CERS3: variants seen among roughly 807,000 people sequenced by gnomAD.
CERS3 encodes LAG1 homolog, ceramide synthase 3.
Under a neutral mutation model 50.3 loss-of-function variants are expected in CERS3, and 33 were observed. The ratio of observed to expected loss-of-function variants is 0.66; its 90% confidence interval spans 0.50 to 0.88. The LOEUF is 0.88. Ranked by LOEUF, CERS3 falls within the 40% of genes least tolerant of loss-of-function variation. The pLI is 0.00. For missense variants in CERS3, 470 were observed against 460.3 expected (o/e 1.02, Z -0.19); for synonymous variants, 176 against 155.2 (o/e 1.13, Z -0.99).
At chr15:100,533,677 C>T (rs867393439), upstream of CERS3, among the ~76,000 whole-genome samples, 2 of 151,890 alleles carry the variant, frequency 1.3e-5, no homozygotes, top group South Asian at 4.2e-4. Context: ...CCTGCCTCAG[C>T]CCCCCAAGTA....
chr15:100,469,717 T>C (rs1302955586), intron 9 of CERS3, among the ~76,000 whole-genome samples: 1 of 152,224 alleles, frequency 6.6e-6, no homozygotes, highest in Non-Finnish European at 1.5e-5. Flanking sequence ...ACATTTTGCA[T>C]AATATAATGT....
rs1167754975 is a variant in CERS3, at chr15:100,401,928, G to A, written c.*785C>T. 1 of 152,276 alleles carries A rather than the reference G, an allele frequency of 6.6e-6. No individual in the cohort carries two copies. Among genetic ancestry groups the A allele is most frequent in the Non-Finnish European group, 1.5e-5 (1 of 68,070 alleles). 9.4% of individuals were successfully genotyped at this position (152,276 alleles called of 1,614,324 possible). ...AGAATCTGAGAATGACCCTTGGGGAGCTAATGCATAAATAGTTAGCAAATA... is the reference window on the plus strand; with the variant it reads ...AGAATCTGAGAATGACCCTTGGGGAACTAATGCATAAATAGTTAGCAAATA... On this transcript the variant is annotated 3_prime_UTR_variant, in exon 12 of 12. Transcript: ENST00000679737.
chr15:100,434,456 T>A (rs1444272317), intron 11 of CERS3, among the ~76,000 whole-genome samples: 3 of 152,206 alleles, frequency 2.0e-5, no homozygotes, highest in Non-Finnish European at 4.4e-5. Flanking sequence ...AAAGCCCACA[T>A]GATAAATCAA....
intron 11 of CERS3, among the ~76,000 whole-genome samples, chr15:100,429,077 G>A (rs928183546): frequency 6.6e-6 from 1 of 152,350 alleles, no homozygotes; most frequent in East Asian, 1.9e-4. Flanking sequence ...GCACAGATCA[G>A]ATAATGAATT....
chr15:100,463,599 A>G (rs1379004241), intron 10 of CERS3, among the ~76,000 whole-genome samples: 1 of 152,158 alleles, frequency 6.6e-6, no homozygotes, highest in African/African-American at 2.4e-5. Context: ...GAAGGTACCA[A>G]GCACATGGGC....
intron 11 of CERS3, among the ~76,000 whole-genome samples, chr15:100,441,977 C>A (rs2033702099): frequency 6.6e-6 from 1 of 152,106 alleles, no homozygotes; most frequent in Admixed American, 6.5e-5. Context: ...TCTTCCTCAG[C>A]CTCCGCTCCT....
In CERS3 at chr15:100,411,902, ATCT is replaced by A. The variant is rs765976995; in HGVS notation, c.1000-9040_1000-9038del. 5.3e-5 allele frequency among the ~76,000 whole-genome samples: 8 copies of A among 152,286 alleles called. No individual in the cohort carries two copies. The East Asian group carries it at 1.5e-3, about 29-fold the overall frequency. On this transcript the variant is annotated intron_variant, in intron 11 of 11. Transcript: ENST00000679737. ...TCATGTGCTTATTGGCCATTCATGT[ATCT>A]TCTTCAGAGAAAGGTCTATTCAAGT...
chr15:100,493,270 T>C (rs1164733676), intron 3 of CERS3, among the ~76,000 whole-genome samples: 1 of 152,308 alleles, frequency 6.6e-6, no homozygotes, highest in African/African-American at 2.4e-5. Context: ...CTCTTGGTTT[T>C]TGTTTATTTG....
rs796937268 is a variant in CERS3, at chr15:100,497,353, T to TAG, written c.173+4322_173+4323dup. 2.6e-3 allele frequency among the ~76,000 whole-genome samples: 387 copies of TAG among 151,446 alleles called. 4 individuals carry two copies. The highest frequency in any genetic ancestry group is 7.9e-3 in the African/African-American group (324 of 41,216). ...GTGTGTGTGTATGTATATATATATATAGAGAGAAAAATACATATATATATG... is the reference window on the plus strand; with the variant it reads ...GTGTGTGTGTATGTATATATATATATAGAGAGAGAAAAATACATATATATATG... On this transcript the variant is annotated intron_variant, in intron 3 of 11. Transcript: ENST00000679737.
rs1165689427 is a variant in CERS3, at chr15:100,466,857, T to TTCTC, written c.845+2520_845+2521insGAGA. Among the ~76,000 whole-genome samples, 37 of 68,338 alleles carry TTCTC rather than the reference T, an allele frequency of 5.4e-4. 5 individuals are homozygous for TTCTC. The highest frequency in any genetic ancestry group is 1.1e-3 in the Admixed American group (7 of 6,518). The allele number at this position is 68,338 out of a possible 152,430, so 44.8% of individuals were successfully genotyped here. ...CCTCTCTCCCTCTCTCTTTCTCTCT[T>TTCTC]TCTTTCTTTCTTTCTTGATGGAGTC... On this transcript the variant is annotated intron_variant, in intron 10 of 11. Coordinates refer to ENST00000679737, the MANE Select transcript of CERS3 (RefSeq NM_001378789.1).
chr15:100,488,117 A>G (rs574261646), intron 4 of CERS3, among the ~76,000 whole-genome samples: 1 of 152,326 alleles, frequency 6.6e-6, no homozygotes, highest in South Asian at 2.1e-4. Context: ...AGATACAATC[A>G]TAAGAGAACT....
chr15:100,466,998 C>T (rs535979368), intron 10 of CERS3, among the ~76,000 whole-genome samples: 38 of 151,796 alleles, frequency 2.5e-4, no homozygotes, highest in African/African-American at 8.9e-4. Context: ...GGATTATAGG[C>T]ATGTGCCACC....
At chr15:100,540,006 AAT>A (rs771425614) in intron 1 of CERS3, among the ~76,000 whole-genome samples, 3 of 152,200 alleles carry the variant, frequency 2.0e-5, no homozygotes, top group Non-Finnish European at 4.4e-5. Context: ...TTGCTCCAGA[AAT>A]ATGACTTCTT....
intron 8 of CERS3, among the ~76,000 whole-genome samples, chr15:100,475,050 C>T (rs2587757): frequency 0.88 from 133,767 of 152,248 alleles, 59,344 homozygotes; most frequent in South Asian, 0.96. Flanking sequence ...AATACATGAT[C>T]GACCTACCTG....
chr15:100,425,525 G>C (rs2032757576), intron 11 of CERS3, among the ~76,000 whole-genome samples: 2 of 152,130 alleles, frequency 1.3e-5, no homozygotes, highest in Admixed American at 1.3e-4. Context: ...AGCCCACTTT[G>C]TTTTGGCTGA....
Position 100,405,840 on chromosome 15 carries a change from A to T in CERS3, c.1000-2975T>A, listed in dbSNP as rs767233240. Among the ~76,000 whole-genome samples, 135 of 152,348 alleles carry T rather than the reference A, an allele frequency of 8.9e-4. No individual in the cohort carries two copies. In the Middle Eastern group the frequency reaches 0.014, roughly 15 times the overall value. ...TTCCTGATAATAATTTTAAAAATAA[A>T]ACTTATAAGGATTTCTTTTTAAAAA... is the stretch of plus-strand genomic sequence containing the variant. On this transcript the variant is annotated intron_variant, in intron 11 of 11. Transcript: ENST00000679737.
chr15:100,436,755 A>C (rs374297508), intron 11 of CERS3, among the ~76,000 whole-genome samples: 81 of 152,212 alleles, frequency 5.3e-4, no homozygotes, highest in African/African-American at 1.9e-3. Context: ...TTCTAAAAGT[A>C]CAAAAAAAAG....
intron 2 of CERS3, among the ~76,000 whole-genome samples, chr15:100,506,529 C>T (rs999594151): frequency 6.7e-6 from 1 of 148,598 alleles, no homozygotes; most frequent in Non-Finnish European, 1.5e-5. Context: ...GTGCCACTGC[C>T]ATGGAAAACA....
intron 10 of CERS3, among the ~76,000 whole-genome samples, chr15:100,467,633 A>G (rs1031861349): frequency 1.3e-5 from 2 of 151,738 alleles, no homozygotes; most frequent in Admixed American, 1.3e-4. Flanking sequence ...CCTTTGGGAC[A>G]TGGCGAACTG....
Sources: gnomAD v4.1 joint callset for allele counts (sites outside exome capture counted in the v4.1 genomes callset) on GRCh38, gnomAD v4.1.1 for gene constraint, MANE v1.5 for transcripts, NCBI Gene and HGNC (gene_info 2026-07-23, HGNC 2026-07-21) for gene names.